The following TMC5 variants were observed in gnomAD, a reference collection of about 807,000 sequenced individuals.
TMC5 encodes the protein transmembrane channel like 5.
Under a neutral mutation model 110.5 loss-of-function variants are expected in TMC5, and 86 were observed. The ratio of observed to expected loss-of-function variants is 0.78; its 90% CI spans 0.65 to 0.93. TMC5 has a LOEUF of 0.93. TMC5 is among the 40% of genes least tolerant of loss of function. The probability of loss-of-function intolerance (pLI) is 0.00; values close to 1 mark genes in which losing one functional copy is unlikely to be tolerated. For missense variants in TMC5, 1,144 were observed against 1,222.8 expected, an observed-to-expected ratio of 0.94 and a Z score of 0.96; for synonymous variants, 455 against 439.5, an observed-to-expected ratio of 1.04 and a Z score of -0.44.
Position 19,445,282 on chromosome 16 carries a change from G to A in TMC5, c.958+1032G>A, listed in dbSNP as rs146028524. On this transcript the variant is annotated intron_variant, in intron 4 of 21. Coordinates refer to ENST00000542583, the MANE Select transcript of TMC5 (RefSeq NM_001261841.2). Reference sequence around the variant, plus strand: ...AACAGTTTTTTTTTTTTTTAAGACAGTGTCCTGCTCTGTCACCCAGGCTGA... The same window carrying A: ...AACAGTTTTTTTTTTTTTTAAGACAATGTCCTGCTCTGTCACCCAGGCTGA... Among the ~76,000 whole-genome samples the A allele has an allele frequency of 6.7e-3, 1,009 of 150,582 alleles. 6 individuals are homozygous for A. The highest frequency in any genetic ancestry group is 0.01 in the Non-Finnish European group (706 of 67,794).
At chr16:19,452,957 G>T (rs1051456207) in intron 5 of TMC5, among the ~76,000 whole-genome samples, 3 of 151,458 alleles carry the variant, frequency 2.0e-5, no homozygotes, top group Non-Finnish European at 4.4e-5. Flanking sequence ...TATAACAAGG[G>T]CTATGGTAGT....
chr16:19,480,493 G>A lies in TMC5; in HGVS notation c.2268-877G>A, dbSNP rs570277955. 9.9e-5 allele frequency among the ~76,000 whole-genome samples: 15 copies of A among 151,970 alleles called. No individual in the cohort carries two copies. In the East Asian group the frequency reaches 2.5e-3, roughly 26 times the overall value. ...ATGTGCTTTTATTCTAGCCTCTGTC[G>A]AGGGCCTGGACATAAAGGTGAAAAG... On this transcript the variant is annotated intron_variant, in intron 14 of 21. Transcript: ENST00000542583.
intron 10 of TMC5, among the ~76,000 whole-genome samples, chr16:19,470,941 C>A (rs1181776472): frequency 1.3e-5 from 2 of 151,930 alleles, no homozygotes; most frequent in African/African-American, 4.8e-5. Flanking sequence ...GAGGCTGAGG[C>A]TGGAGAATCG....
intron 13 of TMC5, among the ~76,000 whole-genome samples, chr16:19,478,347 T>C (rs751118113): frequency 6.6e-6 from 1 of 152,208 alleles, no homozygotes; most frequent in South Asian, 2.1e-4. Flanking sequence ...ACTCAAACCA[T>C]CTTACATGAA....
At position 19,472,213 on chromosome 16, in the gene TMC5, C is replaced by T. The variant is rs368929801; in HGVS notation, c.1908C>T (p.Ala636=). 14 of 1,613,974 alleles carry T rather than the reference C, an allele frequency of 8.7e-6. No homozygotes were observed. Among genetic ancestry groups the T allele is most frequent in the African/African-American group, 4.0e-5 (3 of 74,908 alleles). The change falls in exon 11 of 22, where the codon GCC becomes GCT. Residue 636 remains alanine (A), a synonymous_variant. Transcript: ENST00000542583. ...STGVAIACCA[A]VYYLAEYNLE... is the part of the protein sequence containing the mutation. ...GAGTGGCCATAGCCTGCTGTGCAGC[C>T]GTTTATTACCTGGCTGAGTACAACT...
chr16:19,475,510 G>A (rs191248690), intron 12 of TMC5, among the ~76,000 whole-genome samples: 25 of 151,998 alleles, frequency 1.6e-4, no homozygotes, highest in Admixed American at 7.2e-4. Flanking sequence ...CACGGTCTGT[G>A]AGATCCGGCT....
intron 5 of TMC5, among the ~76,000 whole-genome samples, chr16:19,449,956 A>C (rs902934812): frequency 6.6e-6 from 1 of 152,204 alleles, no homozygotes; most frequent in Non-Finnish European, 1.5e-5. Context: ...TCTATAAATT[A>C]TGCAGTCTCA....
Position 19,474,414 on chromosome 16 carries a change from G to A in TMC5, c.2090+138G>A, listed in dbSNP as rs541911548. The A allele has an allele frequency of 8.1e-5, 81 of 1,001,754 alleles. No individual in the cohort carries two copies. In the Middle Eastern group the frequency reaches 1.2e-3, roughly 14 times the overall value. The allele number at this position is 1,001,754 out of a possible 1,614,324, so 62.1% of individuals were successfully genotyped here. On this transcript the variant is annotated intron_variant, in intron 12 of 21. Transcript: ENST00000542583. ...TTTCAAAAGTAAGGTGTGGCTGGGC[G>A]TGGTGGCTCATGTCAGTAATCCCAG... is the stretch of plus-strand genomic sequence containing the variant.
chr16:19,490,922 T>TCCCTTCCCTTCCC (rs1968883389), intron 18 of TMC5, among the ~76,000 whole-genome samples: 1 of 98,034 alleles, frequency 1.0e-5, no homozygotes, highest in African/African-American at 5.3e-5. Flanking sequence ...CTTCCCCTTC[T>TCCCTTCCCTTCCC]TTCTCCCTTC....
upstream of TMC5, among the ~76,000 whole-genome samples, chr16:19,416,053 T>C (rs1966875357): frequency 6.6e-6 from 1 of 152,118 alleles, no homozygotes; most frequent in Non-Finnish European, 1.5e-5. Context: ...TGGTGGTACA[T>C]ACCTGTAGTC....
chr16:19,447,960 G>T lies in TMC5; in HGVS notation c.959-1582G>T, dbSNP rs560519434. 4.6e-5 allele frequency among the ~76,000 whole-genome samples: 7 copies of T among 152,110 alleles called. No individual in the cohort carries two copies. The South Asian group carries it at 6.2e-4, about 14-fold the overall frequency. Reference sequence around the variant, plus strand: ...AACAGGGCTGGGAGTTGATTCCCAGGCAAGAAGCTCCAGAAGGTCTTGCAA... The same window carrying T: ...AACAGGGCTGGGAGTTGATTCCCAGTCAAGAAGCTCCAGAAGGTCTTGCAA... On this transcript the variant is annotated intron_variant, in intron 4 of 21. Coordinates refer to ENST00000542583, the MANE Select transcript of TMC5 (RefSeq NM_001261841.2).
chr16:19,418,508 G>A (rs1199263471), intron 1 of TMC5, among the ~76,000 whole-genome samples: 1 of 152,080 alleles, frequency 6.6e-6, no homozygotes, highest in Non-Finnish European at 1.5e-5. Flanking sequence ...CTCTATGTCT[G>A]GGGGTGTCTC....
intron 8 of TMC5, among the ~76,000 whole-genome samples, chr16:19,465,282 C>T (rs183291399): frequency 0.012 from 1,892 of 152,032 alleles, 46 homozygotes; most frequent in African/African-American, 0.042. Context: ...TCCTGTAATC[C>T]CAGCACTTTG....
intron 3 of TMC5, among the ~76,000 whole-genome samples, chr16:19,441,179 CTT>C (rs1419453117): frequency 6.6e-6 from 1 of 152,076 alleles, no homozygotes; most frequent in Admixed American, 6.6e-5. Flanking sequence ...AATCCAAACA[CTT>C]TAATTAAAAT....
intron 1 of TMC5, among the ~76,000 whole-genome samples, chr16:19,418,427 G>T (rs1408561266): frequency 6.6e-6 from 1 of 152,062 alleles, no homozygotes; most frequent in Non-Finnish European, 1.5e-5. Flanking sequence ...TATGCCAAAA[G>T]CTCCCACTTC....
intron 10 of TMC5, among the ~76,000 whole-genome samples, chr16:19,470,467 G>A (rs1346375414): frequency 2.0e-5 from 3 of 152,118 alleles, no homozygotes; most frequent in African/African-American, 7.2e-5. Context: ...GATTACAGGC[G>A]TGAGCCAGCC....
upstream of TMC5, among the ~76,000 whole-genome samples, chr16:19,415,812 A>G (rs571985662): frequency 5.3e-5 from 8 of 152,282 alleles, no homozygotes; most frequent in African/African-American, 1.9e-4. Context: ...TACAATTTAT[A>G]ACTCAGGTCT....
chr16:19,438,550 C>T (rs1167488075), intron 2 of TMC5, among the ~76,000 whole-genome samples: 1 of 151,334 alleles, frequency 6.6e-6, no homozygotes, highest in African/African-American at 2.4e-5. Context: ...AGTTTGAGAC[C>T]AGCCTGGCCA....
chr16:19,480,066 CTGTG>C (rs1323721582), intron 14 of TMC5, among the ~76,000 whole-genome samples: 3 of 152,092 alleles, frequency 2.0e-5, no homozygotes, highest in Admixed American at 6.6e-5. Flanking sequence ...ACACATTGCT[CTGTG>C]TGTGTCTTTA....
Sources: allele counts gnomAD v4.1 joint callset (sites outside exome capture counted in the v4.1 genomes callset), GRCh38; gene constraint gnomAD v4.1.1; transcripts MANE v1.5; gene names NCBI Gene and HGNC (gene_info 2026-07-23, HGNC 2026-07-21).